Variants in EIF5B observed in about 807,000 individuals in gnomAD.
The protein encoded by EIF5B is eukaryotic translation initiation factor 5B, also known as eIF-5B.
Under a neutral mutation model 147.5 loss-of-function variants are expected in EIF5B, and 47 were observed. The ratio of observed to expected loss-of-function variants is 0.32; its 90% CI spans 0.25 to 0.41. EIF5B has a LOEUF of 0.41. Ranked by LOEUF, EIF5B falls within the 10% of genes least tolerant of loss-of-function variation. The pLI, the probability that EIF5B is intolerant of heterozygous loss-of-function variation, is 1.00. For missense variants in EIF5B, 1,064 were observed against 1,413.2 expected (o/e 0.75, Z 3.96); for synonymous variants, 455 against 456.2 (o/e 1.00, Z 0.03).
intron 10 of EIF5B, among the ~76,000 whole-genome samples, chr2:99,378,198 G>A (rs1674602752): frequency 6.6e-6 from 1 of 152,188 alleles, no homozygotes; most frequent in Non-Finnish European, 1.5e-5. Flanking sequence ...AGAAATGCAA[G>A]TAAAGGGTTC....
At chr2:99,338,436 C>A in intron 1 of EIF5B, 1 of 847,030 alleles carries the variant, frequency 1.2e-6, no homozygotes, top group Non-Finnish European at 1.7e-6. Context: ...CGTACACTAC[C>A]CACCAAACTT....
At position 99,363,658 on chromosome 2, in the gene EIF5B, A is replaced by C. The variant is rs1264048652; in HGVS notation, c.933A>C (p.Gly311=). 2 of 1,582,048 alleles carry C rather than the reference A, an allele frequency of 1.3e-6. No individual in the cohort carries two copies. Among genetic ancestry groups the C allele is most frequent in the Non-Finnish European group, 8.5e-7 (1 of 1,172,124 alleles). ...TPTAAEDDNE[G]DKKKKDKKKK... ...TCTTTTTGGTAGATGACAATGAAGG[A>C]GACAAAAAGAAGAAAGATAAGAAGA... Residue 311 remains glycine (G), a synonymous_variant, in exon 5 of 24, where the codon GGA becomes GGC. Transcript: ENST00000289371.
intron 12 of EIF5B, among the ~76,000 whole-genome samples, chr2:99,381,044 C>G (rs1033567506): frequency 6.6e-6 from 1 of 152,232 alleles, no homozygotes; most frequent in South Asian, 2.1e-4. Context: ...CGTTTTACAT[C>G]TTGATGTCGC....
chr2:99,342,198 A>G (rs979476304), intron 1 of EIF5B, among the ~76,000 whole-genome samples: 2 of 152,090 alleles, frequency 1.3e-5, no homozygotes, highest in African/African-American at 4.8e-5. Context: ...TGGGCATGTT[A>G]ATGTTCTTGA....
At chr2:99,344,932 A>G (rs1354694259) in intron 1 of EIF5B, among the ~76,000 whole-genome samples, 1 of 152,248 alleles carries the variant, frequency 6.6e-6, no homozygotes, top group South Asian at 2.1e-4. Context: ...AGACATTTGT[A>G]AATATTTCAA....
chr2:99,344,023 A>G (rs944986028), intron 1 of EIF5B, among the ~76,000 whole-genome samples: 1 of 150,226 alleles, frequency 6.7e-6, no homozygotes, highest in Non-Finnish European at 1.5e-5. Flanking sequence ...GGTTCATGCC[A>G]TTCTCCTGCC....
At position 99,364,339 on chromosome 2, in the gene EIF5B, A is replaced by G. The variant is rs1283256742; in HGVS notation, c.1206A>G (p.Lys402=). The G allele has an allele frequency of 9.3e-6, 15 of 1,610,496 alleles. No individual in the cohort carries two copies. The highest frequency in any genetic ancestry group is 1.3e-5 in the Non-Finnish European group (15 of 1,179,246). The change falls in exon 6 of 24, where the codon AAA becomes AAG. Residue 402 remains lysine (K), a synonymous_variant. Coordinates refer to ENST00000289371, the MANE Select transcript of EIF5B (RefSeq NM_015904.4). ...QKEKERKERL[K]KEGKLLTKSQ... is the part of the protein sequence containing the mutation. ...AAAAAGAAAGAAAAGAACGCTTGAA[A>G]AAAGAAGGGAAACTTTTAACTAAAT...
At position 99,360,334 on chromosome 2, in the gene EIF5B, A is replaced by C. The variant is rs778152940; in HGVS notation, c.134A>C (p.Lys45Thr). The C allele has an allele frequency of 1.2e-6, 2 of 1,608,126 alleles. No individual in the cohort carries two copies. Among genetic ancestry groups the C allele is most frequent in the African/African-American group, 2.7e-5 (2 of 74,558 alleles). ...QEPQKSKGKKKKEKKKQDFDE... is the reference protein window; with the variant it reads ...QEPQKSKGKKTKEKKKQDFDE... The stretch of plus-strand genomic sequence containing the variant: ...CCTCAAAAGTCAAAAGGGAAAAAGA[A>C]AAAAGAGAAAAAAAAGCAGGACTTT... Residue 45 changes from lysine (K) to threonine (T), a missense_variant, in exon 2 of 24, where the codon AAA becomes ACA. By Grantham distance (78) the Lys-to-Thr change is moderately conservative. Transcript: ENST00000289371.
At chr2:99,337,718 CA>C in intron 1 of EIF5B, 129 bp downstream of exon 1, 2 of 1,241,782 alleles carry the variant, frequency 1.6e-6, no homozygotes, top group East Asian at 5.5e-5. Context: ...GGCCTGGGCC[CA>C]GAGTGTGCGG....
At chr2:99,344,722 C>G (rs1467154826) in intron 1 of EIF5B, among the ~76,000 whole-genome samples, 6 of 152,126 alleles carry the variant, frequency 3.9e-5, no homozygotes, top group Admixed American at 3.9e-4. Flanking sequence ...TAGATGTGAG[C>G]CACTGCATCC....
intron 1 of EIF5B, chr2:99,338,431 A>C: frequency 1.1e-6 from 1 of 908,126 alleles, no homozygotes; most frequent in Non-Finnish European, 1.6e-6. Flanking sequence ...ACGTTCGTAC[A>C]CTACCCACCA....
Position 99,360,724 on chromosome 2 carries a change from ATGTTGAT to A in EIF5B, c.246+180_246+186del, listed in dbSNP as rs559630711. Among the ~76,000 whole-genome samples the A allele has an allele frequency of 1.1e-4, 17 of 152,320 alleles. 1 individual carries two copies. In the East Asian group the frequency reaches 3.3e-3, roughly 29 times the overall value. ...TAGGAATGTAAAGGTATTTTGTGGT[ATGTTGAT>A]TGTTCATAAAATTGGTACATTTGGA... is the stretch of plus-strand genomic sequence containing the variant. On this transcript the variant is annotated intron_variant, in intron 3 of 23. Coordinates refer to ENST00000289371, the MANE Select transcript of EIF5B (RefSeq NM_015904.4).
At chr2:99,338,584 G>A (rs17022584) in intron 1 of EIF5B, among the ~76,000 whole-genome samples, 4,056 of 152,218 alleles carry the variant, frequency 0.027, 133 homozygotes, top group Middle Eastern at 0.078. Flanking sequence ...TTCTCACCTA[G>A]CGTTTGACTA....
At chr2:99,362,536 TA>T in intron 4 of EIF5B, among the ~76,000 whole-genome samples, 1 of 151,974 alleles carries the variant, frequency 6.6e-6, no homozygotes, top group East Asian at 2.0e-4. Context: ...CCATCTCTAC[TA>T]AAAATACAAT....
chr2:99,355,626 T>TTG (rs1176599391), intron 1 of EIF5B, among the ~76,000 whole-genome samples: 1 of 146,480 alleles, frequency 6.8e-6, no homozygotes, highest in Non-Finnish European at 1.5e-5. Context: ...TTTTTTTTTT[T>TTG]TTTTGAGACA....
At chr2:99,354,573 A>G (rs1674051625) in intron 1 of EIF5B, among the ~76,000 whole-genome samples, 1 of 152,150 alleles carries the variant, frequency 6.6e-6, no homozygotes, top group Admixed American at 6.6e-5. Flanking sequence ...CTTAACTCTT[A>G]ACTCTTTGCT....
intron 1 of EIF5B, among the ~76,000 whole-genome samples, chr2:99,343,942 G>T (rs1263551190): frequency 2.0e-5 from 3 of 150,198 alleles, no homozygotes; most frequent in African/African-American, 2.4e-5. Context: ...TTTTTGAGAC[G>T]GAGTCTCGCT....
chr2:99,394,117 A>G (rs1217403129), intron 18 of EIF5B, 150 bp from the exon 19 acceptor site: 1 of 1,005,100 alleles, frequency 9.9e-7, no homozygotes, highest in East Asian at 2.5e-5. Context: ...CCTTCATTCC[A>G]GCACAGGTTC....
intron 9 of EIF5B, 106 bp downstream of exon 9, chr2:99,371,836 C>A: frequency 9.5e-7 from 1 of 1,049,118 alleles, no homozygotes; most frequent in Non-Finnish European, 1.3e-6. Context: ...ATGAACATTT[C>A]TGGGGATAGG....
Sources: gnomAD v4.1 joint callset for allele counts (sites outside exome capture counted in the v4.1 genomes callset) on GRCh38, gnomAD v4.1.1 for gene constraint, MANE v1.5 for transcripts, NCBI Gene and HGNC (gene_info 2026-07-23, HGNC 2026-07-21) for gene names.